The following CEP128 variants were observed in gnomAD, a reference collection of about 807,000 sequenced individuals.
The protein encoded by CEP128 is centrosomal protein 128kDa.
CEP128 carries 132 observed loss-of-function variants against 156.7 expected under a neutral mutation model. That is an observed-to-expected ratio of 0.84 (90% CI 0.73 to 0.97). The LOEUF (loss-of-function observed/expected upper bound fraction) is 0.97. Ranked by LOEUF, CEP128 falls within the 50% of genes least tolerant of loss-of-function variation. The probability of loss-of-function intolerance (pLI) is 0.00; values close to 1 mark genes in which losing one functional copy is unlikely to be tolerated. For missense variants in CEP128, 1,252 were observed against 1,281.9 expected (o/e 0.98, Z 0.36); for synonymous variants, 469 against 448.9 (o/e 1.04, Z -0.57).
chr14:80,906,821 G>A (rs1177755297), intron 4 of CEP128, among the ~76,000 whole-genome samples: 1 of 152,034 alleles, frequency 6.6e-6, no homozygotes. Context: ...TAAGACCCAA[G>A]GGAAAAAAAA....
At chr14:80,571,979 G>A (rs1027476149) in intron 20 of CEP128, among the ~76,000 whole-genome samples, 4 of 152,182 alleles carry the variant, frequency 2.6e-5, no homozygotes, top group African/African-American at 4.8e-5. Context: ...GGATTGTTGC[G>A]AGTAATAATT....
intron 8 of CEP128, among the ~76,000 whole-genome samples, chr14:80,867,068 C>T (rs1031434788): frequency 3.3e-5 from 5 of 152,012 alleles, no homozygotes; most frequent in Admixed American, 2.6e-4. Context: ...TTCACATTTT[C>T]AATTAGAAGA....
At chr14:80,889,368 C>T (rs575751844) in intron 8 of CEP128, among the ~76,000 whole-genome samples, 48 of 152,314 alleles carry the variant, frequency 3.2e-4, no homozygotes, top group Admixed American at 3.0e-3. Flanking sequence ...CTCTACCTGA[C>T]TTCGAACTAT....
intron 19 of CEP128, among the ~76,000 whole-genome samples, chr14:80,668,016 TC>T (rs1895695431): frequency 6.6e-6 from 1 of 152,142 alleles, no homozygotes; most frequent in South Asian, 2.1e-4. Context: ...ATGGTGTCAT[TC>T]CTGATGATAA....
intron 19 of CEP128, among the ~76,000 whole-genome samples, chr14:80,591,216 T>C (rs893098314): frequency 1.3e-5 from 2 of 151,442 alleles, no homozygotes; most frequent in African/African-American, 2.4e-5. Context: ...GACTGGAAAA[T>C]TGGATAAAGA....
chr14:80,694,291 C>G (rs944765189), intron 19 of CEP128, among the ~76,000 whole-genome samples: 1 of 152,072 alleles, frequency 6.6e-6, no homozygotes, highest in African/African-American at 2.4e-5. Flanking sequence ...GAAATTTTTA[C>G]GCCGTTGGTG....
At chr14:80,605,436 T>C (rs1892739321) in intron 19 of CEP128, among the ~76,000 whole-genome samples, 1 of 152,092 alleles carries the variant, frequency 6.6e-6, no homozygotes, top group African/African-American at 2.4e-5. Context: ...TCACCTCGAA[T>C]ATCTATCTGT....
intron 18 of CEP128, among the ~76,000 whole-genome samples, chr14:80,753,160 T>A (rs904293207): frequency 1.3e-5 from 2 of 152,150 alleles, no homozygotes; most frequent in African/African-American, 2.4e-5. Flanking sequence ...CCCAATATAA[T>A]TACTCTTTCA....
At chr14:80,625,913 A>G (rs944539041) in intron 19 of CEP128, among the ~76,000 whole-genome samples, 7 of 149,996 alleles carry the variant, frequency 4.7e-5, no homozygotes, top group Non-Finnish European at 7.4e-5. Context: ...AATTTTTACC[A>G]TATCAGATTA....
chr14:80,898,964 T>C lies in CEP128; in HGVS notation c.572+974A>G, dbSNP rs371978769. Among the ~76,000 whole-genome samples the C allele has an allele frequency of 2.3e-4, 35 of 152,316 alleles. No homozygotes were observed. The East Asian group carries it at 3.5e-3, about 15-fold the overall frequency. On this transcript the variant is annotated intron_variant, in intron 7 of 24. Coordinates refer to ENST00000555265, the MANE Select transcript of CEP128 (RefSeq NM_152446.5). ...CTCCACTACAACCCTCCTGTTTGAT[T>C]TCTAGAGAGCTGAGTTATTTCATCT...
chr14:80,810,339 A>AG (rs1332072326), intron 13 of CEP128, among the ~76,000 whole-genome samples: 15 of 148,664 alleles, frequency 1.0e-4, no homozygotes, highest in African/African-American at 3.7e-4. Context: ...AAAAAAAAAA[A>AG]AAAAAAAAAG....
Position 80,764,510 on chromosome 14 carries a change from A to G in CEP128, c.2377-2897T>C, listed in dbSNP as rs1900141017. Among the ~76,000 whole-genome samples, 5 of 152,158 alleles carry G rather than the reference A, an allele frequency of 3.3e-5. No homozygotes were observed. The South Asian group carries it at 1.0e-3, about 32-fold the overall frequency. On this transcript the variant is annotated intron_variant, in intron 16 of 24. Transcript: ENST00000555265. The stretch of plus-strand genomic sequence containing the variant: ...GACAGAGCGAGACTCCGTCTCAAAA[A>G]AAAAAAGAAAAAAAAAAAAGAAAAT...
chr14:80,849,147 A>G (rs73340171), intron 9 of CEP128, among the ~76,000 whole-genome samples: 4,260 of 152,290 alleles, frequency 0.028, 223 homozygotes, highest in African/African-American at 0.096. Flanking sequence ...AGAACAGGAG[A>G]AAAGGAGAGG....
chr14:80,681,576 C>A (rs1254618458), intron 19 of CEP128, among the ~76,000 whole-genome samples: 1 of 152,108 alleles, frequency 6.6e-6, no homozygotes, highest in Non-Finnish European at 1.5e-5. Flanking sequence ...GGTGGTTTCC[C>A]CCATGTTGTT....
intron 19 of CEP128, among the ~76,000 whole-genome samples, chr14:80,605,642 C>A (rs927554971): frequency 2.0e-5 from 3 of 151,944 alleles, no homozygotes; most frequent in African/African-American, 7.2e-5. Context: ...AAATGGATTA[C>A]ATAACATGAA....
intron 9 of CEP128, among the ~76,000 whole-genome samples, chr14:80,856,717 T>G (rs61981262): frequency 7.9e-6 from 1 of 125,828 alleles, no homozygotes; most frequent in Non-Finnish European, 1.5e-5. Flanking sequence ...ATGTTTTTCT[T>G]TTCTTTTTTT....
chr14:80,798,341 G>A (rs1310901206), intron 13 of CEP128, among the ~76,000 whole-genome samples: 2 of 152,150 alleles, frequency 1.3e-5, no homozygotes, highest in African/African-American at 2.4e-5. Context: ...AAGAAAGAAA[G>A]CAAAATAAGC....
intron 16 of CEP128, among the ~76,000 whole-genome samples, chr14:80,769,464 T>C (rs969098156): frequency 3.1e-4 from 47 of 151,852 alleles, no homozygotes; most frequent in Non-Finnish European, 7.4e-5. Flanking sequence ...GTGTGTGACG[T>C]TCCCATTGTT....
chr14:80,523,806 G>A (rs1018954702), intron 23 of CEP128, among the ~76,000 whole-genome samples: 1 of 152,168 alleles, frequency 6.6e-6, no homozygotes, highest in Admixed American at 6.5e-5. Flanking sequence ...CATATAATGT[G>A]TAAAGGAAGA....
Sources: allele counts gnomAD v4.1 joint callset (sites outside exome capture counted in the v4.1 genomes callset), GRCh38; gene constraint gnomAD v4.1.1; transcripts MANE v1.5; gene names NCBI Gene and HGNC (gene_info 2026-07-23, HGNC 2026-07-21).